The following HECW2 variants were observed in gnomAD, a reference collection of about 807,000 sequenced individuals.
HECW2 encodes the protein E3 ubiquitin-protein ligase HECW2.
Under a neutral mutation model 175.2 loss-of-function variants are expected in HECW2, and 61 were observed. The ratio of observed to expected loss-of-function variants is 0.35; its 90% confidence interval spans 0.28 to 0.43. HECW2 has a LOEUF of 0.43. Among genes scored for constraint, HECW2 ranks in the 20% least tolerant of loss-of-function variants. The pLI, the probability that HECW2 is intolerant of heterozygous loss-of-function variation, is 1.00. For missense variants in HECW2, 1,524 were observed against 2,000.5 expected, an observed-to-expected ratio of 0.76 and a Z score of 4.54; for synonymous variants, 671 against 731.0, an observed-to-expected ratio of 0.92 and a Z score of 1.32.
At position 196,200,385 on chromosome 2, in the gene HECW2, T is replaced by A. The variant is rs1686816507; in HGVS notation, c.*892A>T. 3 of 152,626 alleles carry A rather than the reference T, an allele frequency of 2.0e-5. No homozygotes were observed. The highest frequency in any genetic ancestry group is 4.1e-4 in the South Asian group (2 of 4,834). 9.5% of individuals were successfully genotyped at this position (152,626 alleles called of 1,614,324 possible). On this transcript the variant is annotated 3_prime_UTR_variant, in exon 29 of 29. Transcript: ENST00000644978. ...GTTTCCTTGAGAGTGCTTAAAAGGA[T>A]ACATATTAGCATGATGCCCGAGTAT... is the stretch of plus-strand genomic sequence containing the variant.
intron 16 of HECW2, among the ~76,000 whole-genome samples, chr2:196,273,617 A>C (rs1689830492): frequency 6.6e-6 from 1 of 152,100 alleles, no homozygotes; most frequent in Non-Finnish European, 1.5e-5. Flanking sequence ...TTGATTGTTT[A>C]TTTTGTGAGG....
chr2:196,461,548 T>A (rs1416737625), intron 1 of HECW2, among the ~76,000 whole-genome samples: 1 of 152,206 alleles, frequency 6.6e-6, no homozygotes, highest in Non-Finnish European at 1.5e-5. Flanking sequence ...TTAGTCCATT[T>A]TTACACTGCT....
chr2:196,575,005 C>T (rs1314819110), intron 1 of HECW2, among the ~76,000 whole-genome samples: 3 of 144,964 alleles, frequency 2.1e-5, no homozygotes, highest in Non-Finnish European at 4.5e-5. Flanking sequence ...TGCTTGAGCC[C>T]AGGAGTTCAA....
intron 1 of HECW2, among the ~76,000 whole-genome samples, chr2:196,508,589 C>T (rs780439910): frequency 1.3e-5 from 2 of 152,106 alleles, no homozygotes; most frequent in East Asian, 1.9e-4. Context: ...GGTTCTTTAG[C>T]GGATTTAATT....
rs1687699813 is a variant in HECW2, at chr2:196,222,348, G to A, written c.4017-8C>T. On this transcript the variant is annotated splice_polypyrimidine_tract_variant and splice_region_variant and intron_variant, in intron 23 of 28. Transcript: ENST00000644978. ...TCACTCAGGTCACATAGACTAAGAT[G>A]ACAAACAGACAGAAACAAATATGTA... 1 of 1,610,748 alleles carries A rather than the reference G, an allele frequency of 6.2e-7. No individual in the cohort carries two copies. The highest frequency in any genetic ancestry group is 1.7e-5 in the Admixed American group (1 of 59,566).
At chr2:196,260,733 G>A (rs2105932114) in intron 17 of HECW2, among the ~76,000 whole-genome samples, 1 of 152,270 alleles carries the variant, frequency 6.6e-6, no homozygotes, top group South Asian at 2.1e-4. Context: ...CAGACGTCCT[G>A]GAAATGTCAC....
At chr2:196,430,588 A>G (rs1334103949) in intron 2 of HECW2, among the ~76,000 whole-genome samples, 1 of 152,196 alleles carries the variant, frequency 6.6e-6, no homozygotes, top group Non-Finnish European at 1.5e-5. Flanking sequence ...AGAGAAATGA[A>G]AACTAGAAAA....
intron 1 of HECW2, among the ~76,000 whole-genome samples, chr2:196,434,133 G>A (rs1444202269): frequency 6.6e-6 from 1 of 152,142 alleles, no homozygotes; most frequent in East Asian, 1.9e-4. Context: ...TGACAAGAAT[G>A]TAAGTTTCAC....
rs554484220 is a variant in HECW2 at position 196,317,318 on chromosome 2, T to C, written c.2390A>G (p.Gln797Arg). The change falls in exon 10 of 29, where the codon CAG (glutamine) becomes CGG (arginine). Residue 797 changes from glutamine to arginine, a missense_variant. Gln to Arg is a conservative substitution (Grantham distance 43). This residue lies in a region of HECW2 where 82 missense variants were observed against 124.4 expected (regional missense o/e 0.66). Transcript: ENST00000644978. ...CACCCTCTGGTACCGGCTAACATCC[T>C]GGCGCACTGAAGGTAGTGATCGCAG... ...QPLRSLPSVRQDVSRYQRVDE... is the reference protein window; with the variant it reads ...QPLRSLPSVRRDVSRYQRVDE... 2 of 1,613,654 alleles carry C rather than the reference T, an allele frequency of 1.2e-6. No homozygotes were observed. Among genetic ancestry groups the C allele is most frequent in the South Asian group, 1.1e-5 (1 of 90,858 alleles).
intron 14 of HECW2, chr2:196,288,583 C>T (rs1402205882): frequency 6.6e-6 from 1 of 152,110 alleles, no homozygotes; most frequent in Non-Finnish European, 1.5e-5. Context: ...TACAGTATAT[C>T]CCTTATAAGT....
chr2:196,443,097 G>A (rs939158543), intron 1 of HECW2, among the ~76,000 whole-genome samples: 1 of 152,156 alleles, frequency 6.6e-6, no homozygotes, highest in African/African-American at 2.4e-5. Flanking sequence ...TCTCCATGAT[G>A]TTGCTCAGGA....
intron 1 of HECW2, among the ~76,000 whole-genome samples, chr2:196,457,517 C>A (rs1292854241): frequency 6.6e-6 from 1 of 152,150 alleles, no homozygotes; most frequent in Non-Finnish European, 1.5e-5. Context: ...GTGTGAGTTT[C>A]TCAAATACAC....
At chr2:196,232,099 T>C (rs1688081593) in intron 21 of HECW2, among the ~76,000 whole-genome samples, 1 of 152,146 alleles carries the variant, frequency 6.6e-6, no homozygotes, top group Non-Finnish European at 1.5e-5. Context: ...GCCATGGTCA[T>C]TCTCTGTGAG....
intron 1 of HECW2, among the ~76,000 whole-genome samples, chr2:196,441,349 C>T (rs1696034247): frequency 7.5e-6 from 1 of 133,000 alleles, no homozygotes; most frequent in Admixed American, 8.3e-5. Context: ...CCTTCAAATT[C>T]CAAAAGACAC....
chr2:196,469,261 A>C (rs893703466), intron 1 of HECW2, among the ~76,000 whole-genome samples: 1 of 152,128 alleles, frequency 6.6e-6, no homozygotes, highest in African/African-American at 2.4e-5. Flanking sequence ...AGAGACAACT[A>C]AACAGAACAA....
chr2:196,555,009 A>T (rs1244631190), intron 1 of HECW2, among the ~76,000 whole-genome samples: 1 of 152,190 alleles, frequency 6.6e-6, no homozygotes, highest in Non-Finnish European at 1.5e-5. Context: ...CTACTTTAAA[A>T]GGCCAAAGGG....
intron 2 of HECW2, among the ~76,000 whole-genome samples, chr2:196,370,599 C>T (rs1693880223): frequency 6.6e-6 from 1 of 152,146 alleles, no homozygotes; most frequent in Non-Finnish European, 1.5e-5. Flanking sequence ...AGGACTTGCC[C>T]AGGAATTGCA....
chr2:196,236,623 C>G (rs1427458013), intron 21 of HECW2, among the ~76,000 whole-genome samples: 2 of 152,164 alleles, frequency 1.3e-5, no homozygotes, highest in Non-Finnish European at 2.9e-5. Context: ...ATGACAGTTT[C>G]TCAGGCTCCT....
Position 196,251,448 on chromosome 2 carries a change from T to C in HECW2, c.3529+2472A>G, listed in dbSNP as rs184500479. On this transcript the variant is annotated intron_variant, in intron 19 of 28. Transcript: ENST00000644978. The stretch of plus-strand genomic sequence containing the variant: ...CACTGAACTCCTTGCTTTCAACCTC[T>C]CCTGTGCGCCATGGCTGCCATTTCC... Among the ~76,000 whole-genome samples the C allele has an allele frequency of 2.9e-3, 442 of 152,298 alleles. 3 individuals carry two copies. The highest frequency in any genetic ancestry group is 5.0e-3 in the South Asian group (24 of 4,828).
Sources: gnomAD v4.1 joint callset for allele counts (sites outside exome capture counted in the v4.1 genomes callset) on GRCh38, gnomAD v4.1.1 for gene constraint, gnomAD v4.1.1 regional missense constraint, MANE v1.5 for transcripts, NCBI Gene and HGNC (gene_info 2026-07-23, HGNC 2026-07-21) for gene names.